The following PXN variants were observed in gnomAD, a reference collection of about 807,000 sequenced individuals.
PXN encodes paxillin, also known as testicular tissue protein Li 134.
Under a neutral mutation model 103.6 loss-of-function variants are expected in PXN, and 61 were observed. The observed-to-expected ratio is 0.59, with a 90% CI of 0.48 to 0.73. The LOEUF is 0.73. Among genes scored for constraint, PXN ranks in the 30% least tolerant of loss-of-function variants. The probability of loss-of-function intolerance (pLI) is 0.00; values close to 1 mark genes in which losing one functional copy is unlikely to be tolerated. For missense variants in PXN, 1,274 were observed against 1,460.3 expected (o/e 0.87, Z 2.08); for synonymous variants, 562 against 607.8 (o/e 0.92, Z 1.11).
intron 1 of PXN, among the ~76,000 whole-genome samples, chr12:120,249,402 T>G (rs1217658026): frequency 1.3e-5 from 2 of 151,900 alleles, no homozygotes; most frequent in African/African-American, 4.8e-5. Context: ...AACAGGCCAT[T>G]AGGAGGGAAA....
intron 1 of PXN, among the ~76,000 whole-genome samples, chr12:120,264,560 C>T (rs1303980781): frequency 6.6e-6 from 1 of 152,242 alleles, no homozygotes; most frequent in African/African-American, 2.4e-5. Context: ...CCAGGAGATA[C>T]TTTCTTTCCC....
rs776875338 is a variant in PXN, at chr12:120,214,932, T to C, written c.2641A>G (p.Ile881Val). ...HFVCTHCQEEIGSRNFFERDG... is the reference protein window; with the variant it reads ...HFVCTHCQEEVGSRNFFERDG... The stretch of plus-strand genomic sequence containing the variant: ...CGCTCGAAGAAGTTCCGGGATCCGA[T>C]CTCCTCCTGGCAGTGGGTGCAGACG... Residue 881 changes from isoleucine to valine, a missense_variant, in exon 12 of 15, where the codon ATC (isoleucine) becomes GTC (valine). Coordinates refer to ENST00000637617, the MANE Select transcript of PXN (RefSeq NM_001385981.1). This position sits in a 1 kb window ranked among gnomAD's most constrained non-coding sequence, Gnocchi z 5.0. 3.1e-6 allele frequency: 5 copies of C among 1,613,826 alleles called. No individual in the cohort carries two copies. The highest frequency in any genetic ancestry group is 4.2e-6 in the Non-Finnish European group (5 of 1,179,856).
intron 1 of PXN, among the ~76,000 whole-genome samples, chr12:120,259,804 TGAG>T (rs1323359289): frequency 4.6e-5 from 7 of 152,228 alleles, no homozygotes; most frequent in South Asian, 4.1e-4. Flanking sequence ...CCATCCCAGG[TGAG>T]GAGGGCACCC....
At position 120,222,976 on chromosome 12, in the gene PXN, G is replaced by T; in HGVS notation, c.380C>A (p.Ala127Asp). ...GCTCATTACGGTGGGTGAAGGCTCA[G>T]CTGATTTCTGCTTGTTGGGGAAGCT... ...VYSFPNKQKS[A>D]EPSPTVMSTS... Residue 127 changes from alanine (A) to aspartate (D), a missense_variant, in exon 4 of 15, where the codon GCT (alanine) becomes GAT (aspartate). By Grantham distance (126) the Ala-to-Asp change is moderately radical (BLOSUM62 -2). Transcript: ENST00000637617. The surrounding 1 kb of genome is among the most constrained non-coding windows in gnomAD (Gnocchi z 4.7). 1 of 1,613,976 alleles carries T rather than the reference G, an allele frequency of 6.2e-7. No individual in the cohort carries two copies. Among genetic ancestry groups the T allele is most frequent in the East Asian group, 2.2e-5 (1 of 44,860 alleles).
Position 120,219,655 on chromosome 12 carries a change from C to T in PXN, c.1268G>A (p.Ser423Asn). The T allele has an allele frequency of 6.3e-7, 1 of 1,583,566 alleles. No homozygotes were observed. Among genetic ancestry groups the T allele is most frequent in the Non-Finnish European group, 8.5e-7 (1 of 1,173,180 alleles). ...CAAGGCCTCCTCTGGGCACGAAGGG[C>T]TGGCTGGTGGCCCCTGGGGCTCCCC... ...EPGEPQGPPA[S>N]PSCPEEALAA... Residue 423 changes from serine (S) to asparagine (N), a missense_variant, in exon 7 of 15, where the codon AGC becomes AAC. Around this residue, in one of 2 missense-constraint regions of PXN, gnomAD observed 1,178 missense variants for 1,309.0 expected, o/e 0.90. Coordinates refer to ENST00000637617, the MANE Select transcript of PXN (RefSeq NM_001385981.1). This position sits in a 1 kb window ranked among gnomAD's most constrained non-coding sequence, Gnocchi z 6.5.
At chr12:120,226,019 T>C in intron 1 of PXN, 2 of 1,072,572 alleles carry the variant, frequency 1.9e-6, no homozygotes, top group Non-Finnish European at 1.1e-6. Flanking sequence ...CGCCCCGCCC[T>C]CCGGGTCCCA....
rs776853223 is a variant in PXN, at chr12:120,224,395, G to A, written c.14-18C>T. 6.3e-6 allele frequency: 10 copies of A among 1,591,334 alleles called. No homozygotes were observed. The highest frequency in any genetic ancestry group is 2.2e-5 in the East Asian group (1 of 44,782). On this transcript the variant is annotated intron_variant, in intron 1 of 14. Transcript: ENST00000637617. This position sits in a 1 kb window ranked among gnomAD's most constrained non-coding sequence, Gnocchi z 5.0. ...CAGGGCGTCTGCAAAGAGAAGGCACGGGTAGCAGGTGAGAACCGGGATCCT... is the reference window on the plus strand; with the variant it reads ...CAGGGCGTCTGCAAAGAGAAGGCACAGGTAGCAGGTGAGAACCGGGATCCT...
chr12:120,235,760 G>A (rs182281678), intron 1 of PXN, among the ~76,000 whole-genome samples: 1 of 152,288 alleles, frequency 6.6e-6, no homozygotes, highest in Admixed American at 6.5e-5. Flanking sequence ...ATTCTGAGAA[G>A]GCTGGTGCAC....
chr12:120,226,969 A>G (rs946163063), intron 1 of PXN: 2 of 988,710 alleles, frequency 2.0e-6, no homozygotes, highest in Non-Finnish European at 2.4e-6. Context: ...ATTGGAAGCT[A>G]CAAACATCAG....
Position 120,212,491 on chromosome 12 carries a change from C to T in PXN, c.3069G>A (p.Ser1023=), listed in dbSNP as rs752636982. The T allele has an allele frequency of 8.7e-6, 14 of 1,613,756 alleles. No homozygotes were observed. The East Asian group carries it at 1.1e-4, about 13-fold the overall frequency. The change falls in exon 15 of 15, where the codon TCG becomes TCA. Residue 1023 remains serine (S), a synonymous_variant. Transcript: ENST00000637617. The surrounding 1 kb of genome is among the most constrained non-coding windows in gnomAD (Gnocchi z 7.2). The stretch of plus-strand genomic sequence containing the variant: ...TGGGCTTCTGGCAGCCAGAACACAG[C>T]GAGCCGCGCCGCTCGTGGTAGTGCA... ...CEVHYHERRG[S]LCSGCQKPIT...
intron 1 of PXN, among the ~76,000 whole-genome samples, chr12:120,231,558 CA>C (rs1888056770): frequency 1.3e-5 from 2 of 152,102 alleles, no homozygotes; most frequent in African/African-American, 2.4e-5. Flanking sequence ...AGTCAGCCGC[CA>C]GGGGAGGAGG....
At position 120,214,168 on chromosome 12, in the gene PXN, CAGA is replaced by C. The variant is rs1369589679; in HGVS notation, c.2795_2797del (p.Phe932del). 4 of 1,552,382 alleles carry C rather than the reference CAGA, an allele frequency of 2.6e-6. No homozygotes were observed. The highest frequency in any genetic ancestry group is 3.5e-6 in the Non-Finnish European group (4 of 1,147,486). On this transcript the variant is annotated inframe_deletion, in exon 13 of 15. Transcript: ENST00000637617. This position sits in a 1 kb window ranked among gnomAD's most constrained non-coding sequence, Gnocchi z 5.0. ...ACCAAAGAAGGCTCCACACTGTGCA[CAGA>C]AGAAGTGTTCAGGGTGCCACGTCCG...
chr12:120,235,165 C>T (rs1888794839), intron 1 of PXN, among the ~76,000 whole-genome samples: 1 of 152,074 alleles, frequency 6.6e-6, no homozygotes, highest in Admixed American at 6.5e-5. Flanking sequence ...AGGCCTGTGG[C>T]TTTGAACCCA....
chr12:120,214,234 T>G lies in PXN; in HGVS notation c.2749-17A>C, dbSNP rs1566351962. 2.6e-6 allele frequency: 4 copies of G among 1,549,242 alleles called. No individual in the cohort carries two copies. The South Asian group carries it at 4.8e-5, about 18-fold the overall frequency. On this transcript the variant is annotated splice_polypyrimidine_tract_variant and intron_variant, in intron 12 of 14. Transcript: ENST00000637617. The surrounding 1 kb of genome is among the most constrained non-coding windows in gnomAD (Gnocchi z 5.0). The stretch of plus-strand genomic sequence containing the variant: ...CACCACTTTCTGTGAAAGCAAAATG[T>G]GGGATCAAGGCTGAGCTCTGGGCAG...
chr12:120,250,788 A>T (rs192408142), intron 1 of PXN, among the ~76,000 whole-genome samples: 2 of 152,194 alleles, frequency 1.3e-5, no homozygotes, highest in Non-Finnish European at 2.9e-5. Context: ...TTCTTCCAGA[A>T]AGTAACTGAA....
rs1566360452 is a variant in PXN, at chr12:120,215,652, G to A, written c.2311C>T (p.Leu771=). 6.2e-7 allele frequency: 1 copy of A among 1,609,174 alleles called. No homozygotes were observed. The highest frequency in any genetic ancestry group is 8.5e-7 in the Non-Finnish European group (1 of 1,178,494). Residue 771 remains leucine, a synonymous_variant, in exon 10 of 15, where the codon CTG becomes TTG. Coordinates refer to ENST00000637617, the MANE Select transcript of PXN (RefSeq NM_001385981.1). The surrounding 1 kb of genome is among the most constrained non-coding windows in gnomAD (Gnocchi z 4.9). The stretch of plus-strand genomic sequence containing the variant: ...CGCTCCCCATCCGCTCTTTGCTCCA[G>A]GCCCTGGATCTTAGATAGGGGAAGA... ...PLFPPMQIQG[L]EQRADGERCW... is the part of the protein sequence containing the mutation.
At chr12:120,238,877 G>C (rs1477068407) in intron 1 of PXN, among the ~76,000 whole-genome samples, 2 of 152,124 alleles carry the variant, frequency 1.3e-5, no homozygotes, top group Non-Finnish European at 2.9e-5. Context: ...GCTATGTATG[G>C]GGGGCACAGC....
Position 120,212,253 on chromosome 12 carries a change from G to C in PXN, c.*61C>G. The C allele has an allele frequency of 6.3e-7, 1 of 1,578,256 alleles. No homozygotes were observed. Among genetic ancestry groups the C allele is most frequent in the Non-Finnish European group, 8.6e-7 (1 of 1,164,190 alleles). Reference sequence around the variant, plus strand: ...CCTTCACCCCCGGGTGAAGTCTCTAGGTCACAGTCGCAGTTGGGGATGCTG... The same window carrying C: ...CCTTCACCCCCGGGTGAAGTCTCTACGTCACAGTCGCAGTTGGGGATGCTG... On this transcript the variant is annotated 3_prime_UTR_variant, in exon 15 of 15. Transcript: ENST00000637617. The surrounding 1 kb of genome is among the most constrained non-coding windows in gnomAD (Gnocchi z 7.2).
At chr12:120,234,847 C>T (rs1246503779) in intron 1 of PXN, among the ~76,000 whole-genome samples, 1 of 152,200 alleles carries the variant, frequency 6.6e-6, no homozygotes, top group Non-Finnish European at 1.5e-5. Context: ...GTCAATAGAT[C>T]CACATCACTG....
Sources: allele counts gnomAD v4.1 joint callset (sites outside exome capture counted in the v4.1 genomes callset), GRCh38; gene constraint gnomAD v4.1.1; regional missense constraint gnomAD v4.1.1; non-coding constraint Gnocchi (gnomAD v3.1); transcripts MANE v1.5; gene names NCBI Gene and HGNC (gene_info 2026-07-23, HGNC 2026-07-21).